FHIT: variants seen among roughly 807,000 people sequenced by gnomAD.
The protein encoded by FHIT is fragile histidine triad diadenosine triphosphatase.
In FHIT, 19 loss-of-function variants were observed where a neutral mutation model predicts 17.9. The observed-to-expected ratio is 1.06, with a 90% CI of 0.74 to 1.56. FHIT has a LOEUF of 1.56. Among genes scored for constraint, FHIT ranks in the 40% most tolerant of loss-of-function variants. FHIT has a pLI of 0.00. For missense variants in FHIT, 248 were observed against 189.2 expected (o/e 1.31, Z -1.82); for synonymous variants, 81 against 69.7 (o/e 1.16, Z -0.81).
chr3:60,173,688 T>G (rs1317495031), intron 5 of FHIT, among the ~76,000 whole-genome samples: 2 of 151,344 alleles, frequency 1.3e-5, no homozygotes, highest in African/African-American at 4.9e-5. Flanking sequence ...TTTTGGAGAA[T>G]TCCTCACGCT....
At chr3:60,658,151 A>G (rs868959825) in intron 4 of FHIT, among the ~76,000 whole-genome samples, 1 of 152,108 alleles carries the variant, frequency 6.6e-6, no homozygotes, top group South Asian at 2.1e-4. Context: ...ACGATTTTGA[A>G]TACTCAAAGC....
chr3:60,089,180 A>G (rs1040335), intron 5 of FHIT, among the ~76,000 whole-genome samples: 12,382 of 152,246 alleles, frequency 0.081, 1,447 homozygotes, highest in East Asian at 0.51. Context: ...CACTCCAAGC[A>G]CACTTCTTAT....
At chr3:59,963,275 A>T (rs112106471) in intron 7 of FHIT, among the ~76,000 whole-genome samples, 1,902 of 150,038 alleles carry the variant, frequency 0.013, 44 homozygotes, top group African/African-American at 0.043. Flanking sequence ...TCAAAAAATA[A>T]TAATAATAAT....
chr3:60,094,962 A>G (rs971675302), intron 5 of FHIT, among the ~76,000 whole-genome samples: 2 of 152,226 alleles, frequency 1.3e-5, no homozygotes, highest in African/African-American at 4.8e-5. Flanking sequence ...ATTCATCCCT[A>G]GAGTCTTGAT....
chr3:60,999,928 C>T (rs1203968557), intron 3 of FHIT, among the ~76,000 whole-genome samples: 1 of 152,138 alleles, frequency 6.6e-6, no homozygotes, highest in Non-Finnish European at 1.5e-5. Context: ...TTCTGTCTGT[C>T]CTCACACAGT....
intron 7 of FHIT, among the ~76,000 whole-genome samples, chr3:60,008,932 G>A (rs1192242377): frequency 2.0e-5 from 3 of 152,088 alleles, no homozygotes; most frequent in Non-Finnish European, 2.9e-5. Context: ...TATCTATCAC[G>A]GGATGTGCTT....
At chr3:60,186,891 A>C (rs1324484075) in intron 5 of FHIT, among the ~76,000 whole-genome samples, 1 of 152,056 alleles carries the variant, frequency 6.6e-6, no homozygotes, top group Non-Finnish European at 1.5e-5. Context: ...AGGAGGCATA[A>C]GATATTTAAA....
rs114220539 is a variant in FHIT at position 60,894,837 on chromosome 3, C to T, written c.-110-72826G>A. On this transcript the variant is annotated intron_variant, in intron 3 of 9. Coordinates refer to ENST00000492590, the MANE Select transcript of FHIT (RefSeq NM_002012.4). The stretch of plus-strand genomic sequence containing the variant: ...GCCATATTTGCTTTATCTCTTCCTC[C>T]TCCTCTGCTCCCCTTCCCTCAAACA... Among the ~76,000 whole-genome samples, 758 of 152,254 alleles carry T rather than the reference C, an allele frequency of 5.0e-3. 10 individuals carry two copies. Among genetic ancestry groups the T allele is most frequent in the African/African-American group, 0.017 (709 of 41,524 alleles).
chr3:61,014,615 T>C (rs2031976361), intron 3 of FHIT, among the ~76,000 whole-genome samples: 1 of 150,696 alleles, frequency 6.6e-6, no homozygotes, highest in African/African-American at 2.4e-5. Flanking sequence ...CCGTCTCTAC[T>C]AAAAATACAA....
chr3:60,429,971 A>G (rs1484468226), intron 5 of FHIT, among the ~76,000 whole-genome samples: 1 of 151,942 alleles, frequency 6.6e-6, no homozygotes, highest in Non-Finnish European at 1.5e-5. Flanking sequence ...AAGGCAACAG[A>G]AGACCATGTA....
At chr3:60,098,082 A>G (rs1704037219) in intron 5 of FHIT, among the ~76,000 whole-genome samples, 1 of 150,936 alleles carries the variant, frequency 6.6e-6, no homozygotes, top group African/African-American at 2.4e-5. Context: ...TCCATGGTGT[A>G]TATGTGCCAC....
intron 5 of FHIT, among the ~76,000 whole-genome samples, chr3:60,119,571 A>G (rs1006084952): frequency 3.3e-5 from 5 of 152,172 alleles, no homozygotes; most frequent in African/African-American, 1.2e-4. Flanking sequence ...TCTTTGAAAC[A>G]AGGTTTTCTA....
At chr3:60,660,654 G>T (rs2040218602) in intron 4 of FHIT, among the ~76,000 whole-genome samples, 1 of 146,214 alleles carries the variant, frequency 6.8e-6, no homozygotes, top group Admixed American at 7.0e-5. Flanking sequence ...TTAATAGATG[G>T]GTAATGATAT....
chr3:61,170,523 C>G (rs752634560), intron 2 of FHIT, among the ~76,000 whole-genome samples: 1 of 152,232 alleles, frequency 6.6e-6, no homozygotes, highest in South Asian at 2.1e-4. Context: ...CCTCTCCCTC[C>G]TCTCTCCCAC....
chr3:59,844,505 G>A (rs1163021695), intron 8 of FHIT, among the ~76,000 whole-genome samples: 1 of 150,308 alleles, frequency 6.7e-6, no homozygotes, highest in Non-Finnish European at 1.5e-5. Flanking sequence ...GTCTGTGTGT[G>A]TCTGTGTGTG....
At position 60,728,728 on chromosome 3, in the gene FHIT, C is replaced by G. The variant is rs572297270; in HGVS notation, c.-18+93191G>C. ...ATACACACACACACACACACACACA[C>G]ACAATTGGCATGCAACAGTTGTCCT... On this transcript the variant is annotated intron_variant, in intron 4 of 9. Coordinates refer to ENST00000492590, the MANE Select transcript of FHIT (RefSeq NM_002012.4). 1.7e-3 allele frequency among the ~76,000 whole-genome samples: 254 copies of G among 151,652 alleles called. 1 individual carries two copies. Among genetic ancestry groups the G allele is most frequent in the Middle Eastern group, 0.014 (4 of 294 alleles).
At chr3:60,630,983 A>G (rs982932857) in intron 4 of FHIT, among the ~76,000 whole-genome samples, 1 of 150,210 alleles carries the variant, frequency 6.7e-6, no homozygotes, top group Non-Finnish European at 1.5e-5. Flanking sequence ...AGTAAAAAAC[A>G]CTCTCAATCT....
intron 5 of FHIT, among the ~76,000 whole-genome samples, chr3:60,231,588 C>T (rs77058963): frequency 0.011 from 1,632 of 152,222 alleles, 19 homozygotes; most frequent in Non-Finnish European, 0.016. Context: ...CAGATCTTCG[C>T]CACAAGGCAG....
chr3:59,975,813 C>T (rs1303480277), intron 7 of FHIT, among the ~76,000 whole-genome samples: 3 of 152,004 alleles, frequency 2.0e-5, no homozygotes, highest in Admixed American at 6.6e-5. Context: ...TGGCAACGAA[C>T]TGTAGTAAGC....
Sources: gnomAD v4.1 joint callset for allele counts (sites outside exome capture counted in the v4.1 genomes callset) on GRCh38, gnomAD v4.1.1 for gene constraint, MANE v1.5 for transcripts, NCBI Gene and HGNC (gene_info 2026-07-23, HGNC 2026-07-21) for gene names.